Variants in INPPL1 observed in about 807,000 individuals in gnomAD.
The protein encoded by INPPL1 is inositol polyphosphate phosphatase like 1.
INPPL1 carries 91 observed loss-of-function variants against 139.3 expected under a neutral mutation model. That is an observed-to-expected ratio of 0.65 (90% CI 0.55 to 0.78). The LOEUF is 0.78. Ranked by LOEUF, INPPL1 falls within the 30% of genes least tolerant of loss-of-function variation. The pLI is 0.00. For missense variants in INPPL1, 1,411 were observed against 1,665.6 expected, an observed-to-expected ratio of 0.85 and a Z score of 2.66; for synonymous variants, 719 against 686.6, an observed-to-expected ratio of 1.05 and a Z score of -0.74.
At position 72,224,854 on chromosome 11, in the gene INPPL1, A is replaced by G; in HGVS notation, c.-131A>G. The G allele has an allele frequency of 1.8e-6, 1 of 561,396 alleles. No homozygotes were observed. The highest frequency in any genetic ancestry group is 7.8e-5 in the South Asian group (1 of 12,744). The allele number at this position is 561,396 out of a possible 1,614,324, so 34.8% of individuals were successfully genotyped here. Reference sequence around the variant, plus strand: ...CTGCGCGGCGGAGTGCTGAGTCCCGATCCCCGGCTCTGTCCGGCCCACGGA... The same window carrying G: ...CTGCGCGGCGGAGTGCTGAGTCCCGGTCCCCGGCTCTGTCCGGCCCACGGA... On this transcript the variant is annotated 5_prime_UTR_variant, in exon 1 of 28. Coordinates refer to ENST00000298229, the MANE Select transcript of INPPL1 (RefSeq NM_001567.4).
intron 25 of INPPL1, among the ~76,000 whole-genome samples, 199 bp downstream of exon 25, chr11:72,236,185 T>C (rs948140466): frequency 6.6e-6 from 1 of 152,250 alleles, no homozygotes; most frequent in Admixed American, 6.5e-5. Flanking sequence ...AAGGGAGCAG[T>C]CAGCCTTTCC....
rs1948752388 is a variant in INPPL1 at position 72,228,945 on chromosome 11, G to A, written c.518+98G>A. 1 of 1,519,200 alleles carries A rather than the reference G, an allele frequency of 6.6e-7. No individual in the cohort carries two copies. Among genetic ancestry groups the A allele is most frequent in the Admixed American group, 2.2e-5 (1 of 46,500 alleles). 94.1% of individuals were successfully genotyped at this position (1,519,200 alleles called of 1,614,324 possible). A position where few individuals can be genotyped will look rare whatever the true frequency, so the allele number is the denominator to read the frequency against. The stretch of plus-strand genomic sequence containing the variant: ...GGAGGCCTTCTAAGACCCCACCAGG[G>A]ACCCCCACCCCACCTCAGCCCAGAG... On this transcript the variant is annotated intron_variant, in intron 4 of 27. Coordinates refer to ENST00000298229, the MANE Select transcript of INPPL1 (RefSeq NM_001567.4). The surrounding 1 kb of genome is among the most constrained non-coding windows in gnomAD (Gnocchi z 5.0).
chr11:72,224,957 G>A lies in INPPL1; in HGVS notation c.-28G>A, dbSNP rs1948625578. On this transcript the variant is annotated 5_prime_UTR_variant, in exon 1 of 28. Transcript: ENST00000298229. ...GGGCGGATGGCGCGGGGCGGCGGGG[G>A]CGGGCGGTGCTGAGCCCTGCGCGGG... The A allele has an allele frequency of 1.8e-6, 2 of 1,085,620 alleles. No individual in the cohort carries two copies. Among genetic ancestry groups the A allele is most frequent in the East Asian group, 6.2e-5 (1 of 16,128 alleles). The allele number at this position is 1,085,620 out of a possible 1,614,324, so 67.2% of individuals were successfully genotyped here.
In INPPL1 at chr11:72,237,439, G is replaced by GC. The variant is rs1949019642; in HGVS notation, c.3201dup (p.Ser1068GlnfsTer17). On this transcript the variant is annotated frameshift_variant, in exon 26 of 28. Coordinates refer to ENST00000298229, the MANE Select transcript of INPPL1 (RefSeq NM_001567.4). LOFTEE classifies it high-confidence loss of function. ...CACTGCCGGACTCAGCCATCTTCCT[G>GC]CCCCCCAGCCTGGATCCTTTACCAG... is the stretch of plus-strand genomic sequence containing the variant. 2 of 1,610,582 alleles carry GC rather than the reference G, an allele frequency of 1.2e-6. No individual in the cohort carries two copies. Among genetic ancestry groups the GC allele is most frequent in the Non-Finnish European group, 1.7e-6 (2 of 1,177,712 alleles).
chr11:72,227,790 G>A (rs1003363801), intron 1 of INPPL1: 10 of 286,986 alleles, frequency 3.5e-5, no homozygotes, highest in East Asian at 2.6e-4. Flanking sequence ...GTGTTAGCAC[G>A]TTGCCCGTGT....
In INPPL1 at chr11:72,228,853, A is replaced by AC. The variant is rs778377922; in HGVS notation, c.518+11dup. ...ACAGCTCCAGCTGCTGAGAGGTGAG[A>AC]CCCCCATCCCATCCACTGAACAGGA... is the stretch of plus-strand genomic sequence containing the variant. On this transcript the variant is annotated splice_region_variant and intron_variant, in intron 4 of 27. Transcript: ENST00000298229. The surrounding 1 kb of genome is among the most constrained non-coding windows in gnomAD (Gnocchi z 5.0). 5.8e-5 allele frequency: 92 copies of AC among 1,582,810 alleles called. No individual in the cohort carries two copies. The highest frequency in any genetic ancestry group is 6.5e-5 in the Non-Finnish European group (76 of 1,166,764).
upstream of INPPL1, chr11:72,223,775 G>T (rs1948583259): frequency 6.6e-6 from 1 of 151,386 alleles, no homozygotes; most frequent in African/African-American, 2.4e-5. Flanking sequence ...CAGTGGGCCA[G>T]CGGCTCCGGG....
At chr11:72,230,713 C>T in intron 10 of INPPL1, 83 bp from the exon 11 acceptor site, 1 of 1,157,016 alleles carries the variant, frequency 8.6e-7, no homozygotes, top group Non-Finnish European at 1.3e-6. Flanking sequence ...TCCTCATGGA[C>T]ATGAGCCAAC....
chr11:72,234,732 A>AGAGAGTGTGT lies in INPPL1; in HGVS notation c.2415+118_2415+119insAGAGTGTGTG, dbSNP rs746371096. ...GGGGCCAGCAGAGAGAGAGAGAGAGAGTGTGTGTGTGTGTGTGTGTGTGTG... is the reference window on the plus strand; with the variant it reads ...GGGGCCAGCAGAGAGAGAGAGAGAGAGAGAGTGTGTGTGTGTGTGTGTGTGTGTGTGTGTG... On this transcript the variant is annotated intron_variant, in intron 21 of 27. Coordinates refer to ENST00000298229, the MANE Select transcript of INPPL1 (RefSeq NM_001567.4). This position sits in a 1 kb window ranked among gnomAD's most constrained non-coding sequence, Gnocchi z 4.2. The AGAGAGTGTGT allele has an allele frequency of 2.6e-5, 14 of 528,412 alleles. No individual in the cohort carries two copies. The African/African-American group carries it at 2.7e-4, about 10-fold the overall frequency. The allele number at this position is 528,412 out of a possible 1,614,324, so 32.7% of individuals were successfully genotyped here. A position where few individuals can be genotyped will look rare whatever the true frequency, so the allele number is the denominator to read the frequency against.
chr11:72,225,631 G>A, intron 1 of INPPL1: 1 of 650,504 alleles, frequency 1.5e-6, no homozygotes, highest in Non-Finnish European at 1.9e-6. Flanking sequence ...GTGCTTTGGG[G>A]TTCTGCCTGG....
At chr11:72,237,882 A>T (rs1203001083) in intron 26 of INPPL1, 86 bp downstream of exon 26, 1 of 1,487,666 alleles carries the variant, frequency 6.7e-7, no homozygotes, top group Non-Finnish European at 9.0e-7. Flanking sequence ...TTCAGCACTC[A>T]TGGTGTCCCT....
Position 72,234,375 on chromosome 11 carries a change from C to A in INPPL1, c.2307C>A (p.Phe769Leu), listed in dbSNP as rs1426320914. The stretch of plus-strand genomic sequence containing the variant: ...GCCGCACCAAGTTCTTCATCGAGTT[C>A]TACTCTACCTGCCTGGAGGGTCAGA... ...TASRTKFFIEFYSTCLEEYKK... is the reference protein window; with the variant it reads ...TASRTKFFIELYSTCLEEYKK... The change falls in exon 20 of 28, where the codon TTC becomes TTA. Residue 769 changes from phenylalanine (F) to leucine (L), a missense_variant. Around this residue, in one of 5 missense-constraint regions of INPPL1, gnomAD observed 363 missense variants for 446.2 expected, o/e 0.81. Coordinates refer to ENST00000298229, the MANE Select transcript of INPPL1 (RefSeq NM_001567.4). This position sits in a 1 kb window ranked among gnomAD's most constrained non-coding sequence, Gnocchi z 4.2. 6.2e-7 allele frequency: 1 copy of A among 1,614,084 alleles called. No homozygotes were observed. Among genetic ancestry groups the A allele is most frequent in the East Asian group, 2.2e-5 (1 of 44,878 alleles).
At position 72,237,581 on chromosome 11, in the gene INPPL1, GTGGCCAGTGGGGATGACC is replaced by G. The variant is rs1949027006; in HGVS notation, c.3338_3355del (p.Val1113_Arg1119delinsGly). 6.3e-7 allele frequency: 1 copy of G among 1,597,438 alleles called. No homozygotes were observed. The highest frequency in any genetic ancestry group is 8.6e-7 in the Non-Finnish European group (1 of 1,169,198). ...ACCAGCCAGCACTTTCCTGGGGGAAGTGGCCAGTGGGGATGACCGGTCCTGCTCGGTGCTGCAGATGGC... is the reference window on the plus strand; with the variant it reads ...ACCAGCCAGCACTTTCCTGGGGGAAGGGTCCTGCTCGGTGCTGCAGATGGC... On this transcript the variant is annotated inframe_deletion, in exon 26 of 28. Coordinates refer to ENST00000298229, the MANE Select transcript of INPPL1 (RefSeq NM_001567.4).
In INPPL1 at chr11:72,238,176, G is replaced by GT; in HGVS notation, c.3686+2dup. 6.2e-7 allele frequency: 1 copy of GT among 1,606,794 alleles called. No individual in the cohort carries two copies. Among genetic ancestry groups the GT allele is most frequent in the Non-Finnish European group, 8.5e-7 (1 of 1,176,572 alleles). On this transcript the variant is annotated splice_donor_variant, in intron 27 of 27. Coordinates refer to ENST00000298229, the MANE Select transcript of INPPL1 (RefSeq NM_001567.4). LOFTEE classifies it high-confidence loss of function. ...GCTGGGACGACCTGGAGTTTCTCAG[G>GT]TGGGGGAGGGGCTGGCCCCGGGGGC...
rs988673004 is a variant in INPPL1 at position 72,225,260 on chromosome 11, G to A, written c.182+94G>A. On this transcript the variant is annotated intron_variant, in intron 1 of 27. Transcript: ENST00000298229. Reference sequence around the variant, plus strand: ...GGGCCCGGGTGAGGGTTTCTGGGGCGGTGGGACGCCAGACCCGCCTCCACC... The same window carrying A: ...GGGCCCGGGTGAGGGTTTCTGGGGCAGTGGGACGCCAGACCCGCCTCCACC... 9.8e-6 allele frequency: 12 copies of A among 1,220,698 alleles called. No homozygotes were observed. In the African/African-American group the frequency reaches 1.4e-4, roughly 14 times the overall value. The allele number at this position is 1,220,698 out of a possible 1,614,324, so 75.6% of individuals were successfully genotyped here. A position where few individuals can be genotyped will look rare whatever the true frequency, so the allele number is the denominator to read the frequency against.
rs551020640 is a variant in INPPL1, at chr11:72,230,618, C to CG, written c.1197+153dup. On this transcript the variant is annotated intron_variant, in intron 10 of 27. Transcript: ENST00000298229. Reference sequence around the variant, plus strand: ...CTGACAGGGTAGAGGGTGTTGAGAACGGGTGGCCTGAGGGTGGATAACATT... The same window carrying CG: ...CTGACAGGGTAGAGGGTGTTGAGAACGGGGTGGCCTGAGGGTGGATAACATT... 1.8e-3 allele frequency: 1,596 copies of CG among 878,032 alleles called. 9 individuals carry two copies. The highest frequency in any genetic ancestry group is 6.3e-3 in the South Asian group (400 of 63,940). 54.4% of individuals were successfully genotyped at this position (878,032 alleles called of 1,614,324 possible).
chr11:72,229,293 C>T, intron 5 of INPPL1, 63 bp downstream of exon 5: 1 of 1,517,686 alleles, frequency 6.6e-7, no homozygotes, highest in Non-Finnish European at 9.0e-7. Context: ...CACCTGCTTC[C>T]CGGCTGCACA....
chr11:72,228,396 A>T lies in INPPL1; in HGVS notation c.295A>T (p.Ile99Phe), dbSNP rs766486781. Reference sequence around the variant, plus strand: ...CCGCTTCCAGACCCTGGGTGAGCTCATCGGCCTGTACGCCCAGCCCAACCA... The same window carrying T: ...CCGCTTCCAGACCCTGGGTGAGCTCTTCGGCCTGTACGCCCAGCCCAACCA... ...VRRFQTLGEL[I>F]GLYAQPNQGL... The change falls in exon 3 of 28, where the codon ATC becomes TTC. Residue 99 changes from isoleucine (I) to phenylalanine (F), a missense_variant. By Grantham distance (21) the Ile-to-Phe change is conservative (BLOSUM62 0). This residue lies in a region of INPPL1 where 504 missense variants were observed against 595.6 expected (regional missense o/e 0.85). Transcript: ENST00000298229. The surrounding 1 kb of genome is among the most constrained non-coding windows in gnomAD (Gnocchi z 5.0). 35 of 1,613,114 alleles carry T rather than the reference A, an allele frequency of 2.2e-5. No individual in the cohort carries two copies. Among genetic ancestry groups the T allele is most frequent in the Non-Finnish European group, 2.9e-5 (34 of 1,179,982 alleles).
In INPPL1 at chr11:72,231,151, G is replaced by C. The variant is rs372927367; in HGVS notation, c.1459G>C (p.Gly487Arg). 6.2e-7 allele frequency: 1 copy of C among 1,613,514 alleles called. No homozygotes were observed. Residue 487 changes from glycine to arginine, a missense_variant, in exon 12 of 28, where the codon GGG (glycine) becomes CGG (arginine). Coordinates refer to ENST00000298229, the MANE Select transcript of INPPL1 (RefSeq NM_001567.4). ...CCGCGAGTGGCTGGACCTACTGCGC[G>C]GGGGCCTCAAGGAGCTTACGGATCT... is the stretch of plus-strand genomic sequence containing the variant. Reference protein sequence around the residue: ...GDREWLDLLRGGLKELTDLDY... With the variant: ...GDREWLDLLRRGLKELTDLDY...
Sources: allele counts gnomAD v4.1 joint callset (sites outside exome capture counted in the v4.1 genomes callset), GRCh38; gene constraint gnomAD v4.1.1; regional missense constraint gnomAD v4.1.1; non-coding constraint Gnocchi (gnomAD v3.1); transcripts MANE v1.5; gene names NCBI Gene and HGNC (gene_info 2026-07-23, HGNC 2026-07-21).